The following SGPP2 variants were observed in gnomAD, a reference collection of about 807,000 sequenced individuals.
SGPP2 encodes the protein sphingosine 1-phosphate phosphohydrolase 2.
Under a neutral mutation model 33.9 loss-of-function variants are expected in SGPP2, and 30 were observed. The ratio of observed to expected loss-of-function variants is 0.89; its 90% CI spans 0.66 to 1.20. SGPP2 has a LOEUF of 1.20. Among genes scored for constraint, SGPP2 ranks in the 50% most tolerant of loss-of-function variants. The probability of loss-of-function intolerance (pLI) is 0.00; values close to 1 mark genes in which losing one functional copy is unlikely to be tolerated. For missense variants in SGPP2, 458 were observed against 532.1 expected (o/e 0.86, Z 1.37); for synonymous variants, 233 against 225.0 (o/e 1.04, Z -0.32).
intron 2 of SGPP2, among the ~76,000 whole-genome samples, chr2:222,481,087 C>T (rs1698022737): frequency 6.6e-6 from 1 of 152,094 alleles, no homozygotes; most frequent in Non-Finnish European, 1.5e-5. Context: ...CACTGGGTAC[C>T]TGTTGGGGGT....
intron 4 of SGPP2, among the ~76,000 whole-genome samples, chr2:222,532,289 A>G (rs917670913): frequency 9.2e-5 from 14 of 152,176 alleles, no homozygotes; most frequent in African/African-American, 3.4e-4. Flanking sequence ...AAGAAAAAAA[A>G]GAAAAGAAAA....
intron 2 of SGPP2, among the ~76,000 whole-genome samples, chr2:222,493,793 G>T (rs1326847834): frequency 3.9e-5 from 6 of 152,162 alleles, no homozygotes; most frequent in African/African-American, 9.7e-5. Context: ...TAAAATTAAT[G>T]ATCTCTTTGG....
intron 2 of SGPP2, among the ~76,000 whole-genome samples, chr2:222,486,367 G>GTTA (rs887677479): frequency 1.3e-5 from 2 of 151,904 alleles, no homozygotes; most frequent in African/African-American, 4.8e-5. Flanking sequence ...TAGCATCATC[G>GTTA]TTATTATTAT....
chr2:222,497,354 G>T (rs1698298127), intron 2 of SGPP2, among the ~76,000 whole-genome samples: 1 of 151,184 alleles, frequency 6.6e-6, no homozygotes, highest in Non-Finnish European at 1.5e-5. Flanking sequence ...CCAGGTTCAG[G>T]TGATTCTCCT....
chr2:222,433,296 C>G (rs1286726204), intron 1 of SGPP2, among the ~76,000 whole-genome samples: 1 of 151,966 alleles, frequency 6.6e-6, no homozygotes, highest in East Asian at 1.9e-4. Flanking sequence ...TTTCTTAGTT[C>G]TTGAGGAATT....
At chr2:222,520,761 C>T (rs1447702874) in intron 2 of SGPP2, among the ~76,000 whole-genome samples, 1 of 150,948 alleles carries the variant, frequency 6.6e-6, no homozygotes, top group Non-Finnish European at 1.5e-5. Flanking sequence ...CATATCGAGC[C>T]CTTTTTTTTT....
chr2:222,457,641 G>A (rs1002811274), intron 1 of SGPP2, among the ~76,000 whole-genome samples: 2 of 152,024 alleles, frequency 1.3e-5, no homozygotes, highest in African/African-American at 4.8e-5. Flanking sequence ...TAGAATTCTC[G>A]GCCTAGAGAT....
At chr2:222,540,606 C>T (rs184195218) in intron 4 of SGPP2, among the ~76,000 whole-genome samples, 1 of 151,996 alleles carries the variant, frequency 6.6e-6, no homozygotes, top group African/African-American at 2.4e-5. Flanking sequence ...GGGAACGGTG[C>T]GCAGTAAATG....
intron 2 of SGPP2, among the ~76,000 whole-genome samples, chr2:222,491,158 A>T (rs1698191761): frequency 6.6e-6 from 1 of 151,794 alleles, no homozygotes; most frequent in Non-Finnish European, 1.5e-5. Context: ...TTTTTGAAAC[A>T]GAGTCTTGAT....
At chr2:222,483,791 C>G (rs1698064857) in intron 2 of SGPP2, among the ~76,000 whole-genome samples, 1 of 152,182 alleles carries the variant, frequency 6.6e-6, no homozygotes, top group African/African-American at 2.4e-5. Flanking sequence ...CAAAAGATGA[C>G]TTTAAATGTG....
chr2:222,504,700 G>A (rs1176000991), intron 2 of SGPP2: 2 of 152,174 alleles, frequency 1.3e-5, no homozygotes, highest in Non-Finnish European at 2.9e-5. Context: ...ACTTGCCATG[G>A]GTAGAATCAT....
Position 222,465,194 on chromosome 2 carries a change from A to G in SGPP2, c.220-9374A>G, listed in dbSNP as rs1022997662. 2.0e-5 allele frequency among the ~76,000 whole-genome samples: 3 copies of G among 152,172 alleles called. No homozygotes were observed. The highest frequency in any genetic ancestry group is 1.3e-4 in the Admixed American group (2 of 15,282). On this transcript the variant is annotated intron_variant, in intron 1 of 4. Coordinates refer to ENST00000321276, the MANE Select transcript of SGPP2 (RefSeq NM_152386.4). The surrounding 1 kb of genome is among the most constrained non-coding windows in gnomAD (Gnocchi z 4.1). ...CTCCAATAAGTTGTCCTTACATTTT[A>G]TTGACTTTCAGTCTCGCCATCCTGA... is the stretch of plus-strand genomic sequence containing the variant.
intron 1 of SGPP2, among the ~76,000 whole-genome samples, chr2:222,457,339 G>C (rs1697588176): frequency 6.6e-6 from 1 of 152,076 alleles, no homozygotes; most frequent in Non-Finnish European, 1.5e-5. Context: ...GAAAAGATGA[G>C]ATGACCTTTA....
chr2:222,535,444 G>A (rs190582682), intron 4 of SGPP2, among the ~76,000 whole-genome samples: 4 of 151,960 alleles, frequency 2.6e-5, no homozygotes, highest in South Asian at 2.1e-4. Flanking sequence ...GGATGAATCC[G>A]CTGCTGGAAG....
chr2:222,538,406 C>A (rs1376346644), intron 4 of SGPP2, among the ~76,000 whole-genome samples: 1 of 152,000 alleles, frequency 6.6e-6, no homozygotes. Flanking sequence ...TCTAAAGAGA[C>A]TCTAAAAATT....
intron 2 of SGPP2, among the ~76,000 whole-genome samples, chr2:222,507,008 C>G (rs1698454995): frequency 6.6e-6 from 1 of 152,136 alleles, no homozygotes; most frequent in Non-Finnish European, 1.5e-5. Context: ...GAGAAAACCT[C>G]CAACCCCAGC....
intron 1 of SGPP2, among the ~76,000 whole-genome samples, chr2:222,453,736 T>C (rs962390086): frequency 1.3e-5 from 2 of 152,210 alleles, no homozygotes; most frequent in Non-Finnish European, 2.9e-5. Flanking sequence ...TGATTGACTG[T>C]TTATGTTATA....
intron 1 of SGPP2, among the ~76,000 whole-genome samples, chr2:222,436,291 G>A (rs1697239449): frequency 6.6e-6 from 1 of 152,158 alleles, no homozygotes; most frequent in South Asian, 2.1e-4. Context: ...ACAGGAACAG[G>A]AAGCAAAAAT....
chr2:222,456,059 A>G (rs1461501690), intron 1 of SGPP2, among the ~76,000 whole-genome samples: 1 of 152,334 alleles, frequency 6.6e-6, no homozygotes, highest in Non-Finnish European at 1.5e-5. Flanking sequence ...AGTCTGGGCA[A>G]TAGAGCAAGA....
Sources: gnomAD v4.1 joint callset for allele counts (sites outside exome capture counted in the v4.1 genomes callset) on GRCh38, gnomAD v4.1.1 for gene constraint, Gnocchi (gnomAD v3.1) non-coding constraint, MANE v1.5 for transcripts, NCBI Gene and HGNC (gene_info 2026-07-23, HGNC 2026-07-21) for gene names.